DOT1L: variants seen among roughly 807,000 people sequenced by gnomAD.
DOT1L encodes histone-lysine N-methyltransferase, H3 lysine-79 specific.
A neutral mutation model predicts 153.3 loss-of-function variants in DOT1L; 33 were observed. The observed-to-expected ratio is 0.22, with a 90% CI of 0.16 to 0.29. DOT1L has a LOEUF of 0.29. Ranked by LOEUF, DOT1L falls within the 10% of genes least tolerant of loss-of-function variation. The pLI, the probability that DOT1L is intolerant of heterozygous loss-of-function variation, is 1.00. For synonymous variants in DOT1L, 1,135 were observed against 965.1 expected, an observed-to-expected ratio of 1.18 and a Z score of -3.26; for missense variants, 1,847 against 2,119.9, an observed-to-expected ratio of 0.87 and a Z score of 2.53.
Position 2,191,928 on chromosome 19 carries a change from G to A in DOT1L, c.493+688G>A, listed in dbSNP as rs1235726534. Among the ~76,000 whole-genome samples the A allele has an allele frequency of 6.6e-6, 1 of 152,226 alleles. No homozygotes were observed. The highest frequency in any genetic ancestry group is 2.4e-5 in the African/African-American group (1 of 41,472). On this transcript the variant is annotated intron_variant, in intron 5 of 27. Coordinates refer to ENST00000398665, the MANE Select transcript of DOT1L (RefSeq NM_032482.3). The surrounding 1 kb of genome is among the most constrained non-coding windows in gnomAD (Gnocchi z 6.8). ...TCTTCAGCAGCAGCGTGGCCTGGCTGAAGCACAGATGAGCGGCCCGTACAC... is the reference window on the plus strand; with the variant it reads ...TCTTCAGCAGCAGCGTGGCCTGGCTAAAGCACAGATGAGCGGCCCGTACAC...
intron 22 of DOT1L, among the ~76,000 whole-genome samples, chr19:2,218,254 T>A (rs372415842): frequency 9.2e-5 from 14 of 152,228 alleles, no homozygotes; most frequent in African/African-American, 3.4e-4. Flanking sequence ...CAGCTGCCTC[T>A]GGGTTCTCCC....
At position 2,190,155 on chromosome 19, in the gene DOT1L, C is replaced by T. The variant is rs939380053; in HGVS notation, c.264+360C>T. On this transcript the variant is annotated intron_variant, in intron 4 of 27. Coordinates refer to ENST00000398665, the MANE Select transcript of DOT1L (RefSeq NM_032482.3). This position sits in a 1 kb window ranked among gnomAD's most constrained non-coding sequence, Gnocchi z 4.8. The stretch of plus-strand genomic sequence containing the variant: ...GTGAATGCCGGCCTTCCCCCTTGGA[C>T]CTCCCCCACACCGCCTGCCTTCATC... 6.6e-6 allele frequency among the ~76,000 whole-genome samples: 1 copy of T among 152,066 alleles called. No individual in the cohort carries two copies. Among genetic ancestry groups the T allele is most frequent in the African/African-American group, 2.4e-5 (1 of 41,420 alleles).
rs908021998 is a variant in DOT1L, at chr19:2,230,592, G to A, written c.*800G>A. 2.5e-6 allele frequency: 1 copy of A among 398,714 alleles called. No individual in the cohort carries two copies. Among genetic ancestry groups the A allele is most frequent in the South Asian group, 1.3e-4 (1 of 7,868 alleles). 24.7% of individuals were successfully genotyped at this position (398,714 alleles called of 1,614,324 possible). A position where few individuals can be genotyped will look rare whatever the true frequency, so the allele number is the denominator to read the frequency against. Reference sequence around the variant, plus strand: ...ATGCCCTGCGATGCGGGGCAGGCCTGTCGTGGGTCCCTTGGTGTTTCTGTA... The same window carrying A: ...ATGCCCTGCGATGCGGGGCAGGCCTATCGTGGGTCCCTTGGTGTTTCTGTA... On this transcript the variant is annotated 3_prime_UTR_variant, in exon 28 of 28. Transcript: ENST00000398665.
At chr19:2,224,251 G>A (rs916787400) in intron 25 of DOT1L, among the ~76,000 whole-genome samples, 1 of 152,168 alleles carries the variant, frequency 6.6e-6, no homozygotes, top group African/African-American at 2.4e-5. Flanking sequence ...TTGTGTTTGG[G>A]AGCAAGTTTC....
Position 2,210,608 on chromosome 19 carries a change from T to C in DOT1L, c.1117-13T>C. The C allele has an allele frequency of 6.2e-7, 1 of 1,610,542 alleles. No individual in the cohort carries two copies. The highest frequency in any genetic ancestry group is 1.1e-5 in the South Asian group (1 of 90,930). On this transcript the variant is annotated splice_polypyrimidine_tract_variant and intron_variant, in intron 13 of 27. Coordinates refer to ENST00000398665, the MANE Select transcript of DOT1L (RefSeq NM_032482.3). The stretch of plus-strand genomic sequence containing the variant: ...CTCTGTGCCCATCCCTGTTCTTCCC[T>C]TGTGTCCTCCAGGACTCTGGTGCTG...
intron 9 of DOT1L, among the ~76,000 whole-genome samples, chr19:2,205,507 G>A (rs879518716): frequency 2.3e-4 from 35 of 152,342 alleles, no homozygotes; most frequent in African/African-American, 8.4e-4. Context: ...GACTGAGGCT[G>A]AAGGTGTCCA....
intron 27 of DOT1L, chr19:2,229,427 G>A (rs2024504863): frequency 1.0e-6 from 1 of 985,350 alleles, no homozygotes; most frequent in Admixed American, 6.1e-5. Context: ...GGAGGCTGTG[G>A]CCAGGGCTGG....
At position 2,226,447 on chromosome 19, in the gene DOT1L, G is replaced by A. The variant is rs201546034; in HGVS notation, c.3926G>A (p.Gly1309Asp). Residue 1309 changes from glycine (G) to aspartate (D), a missense_variant, in exon 27 of 28, where the codon GGC becomes GAC. Coordinates refer to ENST00000398665, the MANE Select transcript of DOT1L (RefSeq NM_032482.3). ...TCGGGGGCTGACGGACTCAGCCCGGGCACCAACCCTGCCAACGGCTGCACC... is the reference window on the plus strand; with the variant it reads ...TCGGGGGCTGACGGACTCAGCCCGGACACCAACCCTGCCAACGGCTGCACC... Reference protein sequence around the residue: ...SLSGADGLSPGTNPANGCTFG... With the variant: ...SLSGADGLSPDTNPANGCTFG... 96 of 1,601,638 alleles carry A rather than the reference G, an allele frequency of 6.0e-5. No individual in the cohort carries two copies. Among genetic ancestry groups the A allele is most frequent in the Non-Finnish European group, 8.0e-5 (94 of 1,179,392 alleles).
At chr19:2,167,006 T>C (rs1353614467) in intron 1 of DOT1L, among the ~76,000 whole-genome samples, 2 of 152,188 alleles carry the variant, frequency 1.3e-5, no homozygotes, top group Non-Finnish European at 2.9e-5. Flanking sequence ...GCCAAATCCG[T>C]GTTGCTGCAG....
intron 18 of DOT1L, chr19:2,214,242 C>A: frequency 1.1e-6 from 1 of 877,800 alleles, no homozygotes; most frequent in Non-Finnish European, 1.7e-6. Context: ...TGGGGTCATG[C>A]GAGCATCCCA....
chr19:2,178,179 G>T (rs1390583689), intron 1 of DOT1L, among the ~76,000 whole-genome samples: 3 of 147,666 alleles, frequency 2.0e-5, no homozygotes, highest in Non-Finnish European at 4.5e-5. Flanking sequence ...TGATCCACCC[G>T]CCTCGGCCTC....
intron 1 of DOT1L, among the ~76,000 whole-genome samples, chr19:2,177,195 G>A (rs1301411903): frequency 1.3e-5 from 2 of 152,290 alleles, no homozygotes; most frequent in East Asian, 3.9e-4. Flanking sequence ...GTGGGCACCC[G>A]ACATGTGGCT....
chr19:2,186,603 A>G (rs1364037892), intron 3 of DOT1L, among the ~76,000 whole-genome samples: 1 of 152,090 alleles, frequency 6.6e-6, no homozygotes, highest in Non-Finnish European at 1.5e-5. Context: ...ACGCGGCTGC[A>G]CTTTACCTGG....
intron 27 of DOT1L, chr19:2,229,001 G>A: frequency 1.0e-6 from 1 of 985,422 alleles, no homozygotes; most frequent in Non-Finnish European, 1.2e-6. Context: ...TGCGTGTTGA[G>A]GCCCCCTTGC....
At position 2,221,792 on chromosome 19, in the gene DOT1L, CTTGAG is replaced by C. The variant is rs1350906488; in HGVS notation, c.2807-183_2807-179del. On this transcript the variant is annotated intron_variant, in intron 23 of 27. Transcript: ENST00000398665. ...AGGAGGCACAGGGTCAGCCCTGAGC[CTTGAG>C]CTTGCCCACAGAGCCTTCTGGTTCC... is the stretch of plus-strand genomic sequence containing the variant. The C allele has an allele frequency of 4.7e-6, 3 of 642,742 alleles. No individual in the cohort carries two copies. The African/African-American group carries it at 5.5e-5, about 12-fold the overall frequency. 39.8% of individuals were successfully genotyped at this position (642,742 alleles called of 1,614,324 possible). A position where few individuals can be genotyped will look rare whatever the true frequency, so the allele number is the denominator to read the frequency against.
intron 22 of DOT1L, among the ~76,000 whole-genome samples, chr19:2,219,168 G>A (rs949851083): frequency 2.6e-5 from 4 of 152,106 alleles, no homozygotes; most frequent in East Asian, 1.9e-4. Context: ...CACCGCACCC[G>A]GCCAATTTTT....
chr19:2,201,460 G>A (rs1026301610), intron 8 of DOT1L, among the ~76,000 whole-genome samples: 1 of 152,160 alleles, frequency 6.6e-6, no homozygotes, highest in Admixed American at 6.5e-5. Flanking sequence ...GGGTGTGCTC[G>A]TGGCTTGTGG....
At chr19:2,188,545 G>T (rs571993275) in intron 3 of DOT1L, among the ~76,000 whole-genome samples, 1 of 137,290 alleles carries the variant, frequency 7.3e-6, no homozygotes. Flanking sequence ...AAGTCGGATT[G>T]TTCTCTGGGA....
chr19:2,210,565 G>A (rs986670227), intron 13 of DOT1L, 55 bp downstream of exon 13: 1 of 1,591,528 alleles, frequency 6.3e-7, no homozygotes, highest in African/African-American at 1.3e-5. Context: ...CTGCCCGGGA[G>A]ACCCCATGGG....
Sources: allele counts gnomAD v4.1 joint callset (sites outside exome capture counted in the v4.1 genomes callset), GRCh38; gene constraint gnomAD v4.1.1; non-coding constraint Gnocchi (gnomAD v3.1); transcripts MANE v1.5; gene names NCBI Gene and HGNC (gene_info 2026-07-23, HGNC 2026-07-21).